The following GRIP1 variants were observed in gnomAD, a reference collection of about 807,000 sequenced individuals.
GRIP1 encodes the protein glutamate receptor interacting protein 1.
Under a neutral mutation model 129.9 loss-of-function variants are expected in GRIP1, and 45 were observed. That is an observed-to-expected ratio of 0.35 (90% CI 0.27 to 0.44). The LOEUF is 0.44. Among genes scored for constraint, GRIP1 ranks in the 20% least tolerant of loss-of-function variants. The pLI is 1.00. For missense variants in GRIP1, 1,196 were observed against 1,396.8 expected (o/e 0.86, Z 2.29); for synonymous variants, 530 against 520.8 (o/e 1.02, Z -0.24).
chr12:66,557,370 CAAT>C (rs1473481396), intron 2 of GRIP1, among the ~76,000 whole-genome samples: 1 of 151,950 alleles, frequency 6.6e-6, no homozygotes, highest in East Asian at 1.9e-4. Context: ...GAACTCAATA[CAAT>C]AATAGCTGGT....
At chr12:66,544,916 T>A (rs2061901700) in intron 2 of GRIP1, among the ~76,000 whole-genome samples, 1 of 152,136 alleles carries the variant, frequency 6.6e-6, no homozygotes, top group South Asian at 2.1e-4. Context: ...TTGCATGAGT[T>A]CACTTATATA....
chr12:66,554,042 T>C (rs1221517245), intron 2 of GRIP1, among the ~76,000 whole-genome samples: 1 of 152,150 alleles, frequency 6.6e-6, no homozygotes, highest in Admixed American at 6.5e-5. Context: ...GCCCATTGAC[T>C]TGGTGGGCAT....
At chr12:66,968,147 T>G (rs537430737) in intron 1 of GRIP1, among the ~76,000 whole-genome samples, 5 of 152,162 alleles carry the variant, frequency 3.3e-5, no homozygotes, top group Non-Finnish European at 7.4e-5. Context: ...GTGCATATGT[T>G]TTTATGATTA....
intron 1 of GRIP1, among the ~76,000 whole-genome samples, chr12:66,937,726 A>T (rs1216605308): frequency 1.3e-5 from 2 of 152,188 alleles, no homozygotes; most frequent in Admixed American, 1.3e-4. Flanking sequence ...ACATTGAGAG[A>T]TCACAATCTC....
At chr12:66,902,114 C>A (rs2040853479) in intron 1 of GRIP1, among the ~76,000 whole-genome samples, 1 of 152,062 alleles carries the variant, frequency 6.6e-6, no homozygotes, top group African/African-American at 2.4e-5. Flanking sequence ...GGAACTAGTT[C>A]TTTACAGTGG....
Position 66,392,472 on chromosome 12 carries a change from G to C in GRIP1, c.2300C>G (p.Pro767Arg). Reference sequence around the variant, plus strand: ...CAGGTCACTCAAATGGCTAGAAATAGGGAACTTCTTGGGGCTCGATGCTGA... The same window carrying C: ...CAGGTCACTCAAATGGCTAGAAATACGGAACTTCTTGGGGCTCGATGCTGA... ...AQSASSPKKF[P>R]ISSHLSDLGD... Residue 767 changes from proline (P) to arginine (R), a missense_variant, in exon 19 of 25, where the codon CCT becomes CGT. By Grantham distance (103) the Pro-to-Arg change is moderately radical. Around this residue, in one of 5 missense-constraint regions of GRIP1, gnomAD observed 427 missense variants for 463.3 expected, o/e 0.92. Coordinates refer to ENST00000359742, the MANE Select transcript of GRIP1 (RefSeq NM_001366722.1). The C allele has an allele frequency of 6.2e-7, 1 of 1,614,134 alleles. No homozygotes were observed.
intron 1 of GRIP1, among the ~76,000 whole-genome samples, chr12:66,977,953 C>CA (rs1261521056): frequency 1.3e-5 from 2 of 151,194 alleles, no homozygotes; most frequent in Non-Finnish European, 2.9e-5. Flanking sequence ...GCTAAGACTA[C>CA]ACGTGCACAC....
intron 1 of GRIP1, among the ~76,000 whole-genome samples, chr12:66,716,241 C>T (rs2035883697): frequency 6.6e-6 from 1 of 151,472 alleles, no homozygotes; most frequent in East Asian, 1.9e-4. Context: ...GCATTTTTTC[C>T]TTAGTCAAGT....
chr12:67,018,101 C>A (rs2042814683), intron 1 of GRIP1, among the ~76,000 whole-genome samples: 1 of 152,086 alleles, frequency 6.6e-6, no homozygotes, highest in Non-Finnish European at 1.5e-5. Flanking sequence ...CTCACTTCAG[C>A]TTTAGGAAAG....
intron 24 of GRIP1, among the ~76,000 whole-genome samples, chr12:66,350,806 C>T (rs917412974): frequency 2.0e-5 from 3 of 152,122 alleles, no homozygotes; most frequent in South Asian, 2.1e-4. Context: ...AACCCACCTT[C>T]GATAAACCCA....
At chr12:66,377,438 C>T (rs11609232) in intron 20 of GRIP1, among the ~76,000 whole-genome samples, 153 bp from the exon 21 acceptor site, 15 of 151,838 alleles carry the variant, frequency 9.9e-5, no homozygotes, top group Non-Finnish European at 1.8e-4. Flanking sequence ...CACCATTCTC[C>T]TGCCTCAGCC....
chr12:66,533,122 G>GT (rs1473190095), intron 4 of GRIP1, among the ~76,000 whole-genome samples: 1 of 152,120 alleles, frequency 6.6e-6, no homozygotes, highest in Non-Finnish European at 1.5e-5. Flanking sequence ...TGAGAATTAT[G>GT]TAACATTTCA....
At chr12:66,408,823 T>C (rs1195412116) in intron 15 of GRIP1, among the ~76,000 whole-genome samples, 1 of 152,132 alleles carries the variant, frequency 6.6e-6, no homozygotes, top group Admixed American at 6.5e-5. Flanking sequence ...GTCCCGGCCC[T>C]GGCAGCATTC....
At chr12:66,750,841 C>A (rs1233459465) in intron 1 of GRIP1, among the ~76,000 whole-genome samples, 1 of 151,974 alleles carries the variant, frequency 6.6e-6, no homozygotes, top group African/African-American at 2.4e-5. Flanking sequence ...GTTAAGTCAC[C>A]AAATGACAGA....
intron 14 of GRIP1, among the ~76,000 whole-genome samples, chr12:66,428,787 C>A (rs1054535120): frequency 6.6e-6 from 1 of 152,172 alleles, no homozygotes; most frequent in African/African-American, 2.4e-5. Flanking sequence ...AAAGTAGACA[C>A]AAACCCCTGT....
chr12:66,362,847 G>T (rs1030569781), intron 23 of GRIP1, among the ~76,000 whole-genome samples: 1 of 151,746 alleles, frequency 6.6e-6, no homozygotes, highest in African/African-American at 2.4e-5. Flanking sequence ...GAGTCTAGGG[G>T]ATGGCAATTC....
At chr12:66,521,071 G>C (rs1477445218) in intron 5 of GRIP1, among the ~76,000 whole-genome samples, 3 of 152,186 alleles carry the variant, frequency 2.0e-5, no homozygotes, top group Admixed American at 2.0e-4. Context: ...GCCTTGGTCA[G>C]AAAAATGTAA....
chr12:66,906,920 A>G (rs2040943023), intron 1 of GRIP1, among the ~76,000 whole-genome samples: 1 of 152,188 alleles, frequency 6.6e-6, no homozygotes, highest in African/African-American at 2.4e-5. Flanking sequence ...GCTTGCCTTA[A>G]TGTCAATATC....
chr12:66,887,898 T>C (rs1054090821), intron 1 of GRIP1, among the ~76,000 whole-genome samples: 5 of 152,248 alleles, frequency 3.3e-5, no homozygotes, highest in African/African-American at 9.6e-5. Flanking sequence ...TAGATAACAA[T>C]AGGCCCAGAT....
Sources: gnomAD v4.1 joint callset for allele counts (sites outside exome capture counted in the v4.1 genomes callset) on GRCh38, gnomAD v4.1.1 for gene constraint, gnomAD v4.1.1 regional missense constraint, MANE v1.5 for transcripts, NCBI Gene and HGNC (gene_info 2026-07-23, HGNC 2026-07-21) for gene names.